Variants in RIMS2 observed in about 807,000 individuals in gnomAD.
The protein encoded by RIMS2 is regulating synaptic membrane exocytosis 2.
RIMS2 carries 59 observed loss-of-function variants against 174.4 expected under a neutral mutation model. The ratio of observed to expected loss-of-function variants is 0.34; its 90% CI spans 0.27 to 0.42. The LOEUF is 0.42. Among genes scored for constraint, RIMS2 ranks in the 10% least tolerant of loss-of-function variants. RIMS2 has a pLI of 1.00. For synonymous variants in RIMS2, 606 were observed against 572.5 expected (o/e 1.06, Z -0.84); for missense variants, 1,620 against 1,666.3 (o/e 0.97, Z 0.48).
intron 13 of RIMS2, among the ~76,000 whole-genome samples, chr8:103,941,542 C>T (rs1231773844): frequency 6.6e-6 from 1 of 152,050 alleles, no homozygotes; most frequent in Non-Finnish European, 1.5e-5. Context: ...TCTTTACCTC[C>T]CTTAGATAAA....
At chr8:103,703,405 T>G (rs923670768) in intron 2 of RIMS2, among the ~76,000 whole-genome samples, 1 of 152,138 alleles carries the variant, frequency 6.6e-6, no homozygotes, top group African/African-American at 2.4e-5. Context: ...ACCCAGCTAA[T>G]TTTTGTATTC....
exon 9 of RIMS2, chr8:103,918,446 T>G: frequency 1.9e-6 from 3 of 1,574,768 alleles, no homozygotes; most frequent in Non-Finnish European, 2.6e-6. Context: ...TTCAGAGATA[T>G]ACCGCGAATA....
intron 3 of RIMS2, among the ~76,000 whole-genome samples, chr8:103,782,525 A>G (rs1485018822): frequency 1.3e-5 from 2 of 152,056 alleles, no homozygotes; most frequent in Middle Eastern, 3.2e-3. Flanking sequence ...CTAGAAGTAC[A>G]ATCACTTGGT....
intron 3 of RIMS2, among the ~76,000 whole-genome samples, chr8:103,861,057 T>C (rs1160620325): frequency 6.6e-6 from 1 of 152,116 alleles, no homozygotes; most frequent in Non-Finnish European, 1.5e-5. Flanking sequence ...ATGGTGAGGT[T>C]TGGACTTCTT....
chr8:104,012,368 T>A (rs2095791330), intron 17 of RIMS2, among the ~76,000 whole-genome samples: 3 of 148,262 alleles, frequency 2.0e-5, no homozygotes, highest in African/African-American at 4.9e-5. Context: ...TTTTTTTTTT[T>A]AAATTACTTG....
chr8:103,546,789 G>A (rs1036388002), intron 1 of RIMS2, among the ~76,000 whole-genome samples: 1 of 152,126 alleles, frequency 6.6e-6, no homozygotes. Context: ...TTCTCCCTGA[G>A]TCCCTGACTC....
At chr8:104,020,706 A>G (rs993335570) in intron 19 of RIMS2, among the ~76,000 whole-genome samples, 5 of 152,070 alleles carry the variant, frequency 3.3e-5, no homozygotes, top group Non-Finnish European at 7.4e-5. Flanking sequence ...GAATTATTTT[A>G]AAAACATTTT....
At chr8:103,927,465 A>T (rs2078992916) in intron 10 of RIMS2, among the ~76,000 whole-genome samples, 1 of 151,326 alleles carries the variant, frequency 6.6e-6, no homozygotes, top group Non-Finnish European at 1.5e-5. Flanking sequence ...GCACTATTCT[A>T]TTTTTTATGT....
chr8:103,552,348 A>C (rs1848382004), intron 1 of RIMS2, among the ~76,000 whole-genome samples: 2 of 152,210 alleles, frequency 1.3e-5, no homozygotes, highest in Non-Finnish European at 2.9e-5. Flanking sequence ...AGAAATGGGG[A>C]AAGGATGCCC....
chr8:103,619,787 C>T (rs542313012), intron 1 of RIMS2, among the ~76,000 whole-genome samples: 1 of 151,662 alleles, frequency 6.6e-6, no homozygotes, highest in South Asian at 2.1e-4. Context: ...ACACAGGATT[C>T]TCCCTTTAAT....
intron 6 of RIMS2, among the ~76,000 whole-genome samples, chr8:103,915,159 A>G (rs1364944884): frequency 1.3e-5 from 2 of 152,110 alleles, no homozygotes; most frequent in Non-Finnish European, 2.9e-5. Flanking sequence ...AAATGTTTAT[A>G]TAATTAATGA....
chr8:103,866,566 A>G, intron 3 of RIMS2, among the ~76,000 whole-genome samples: 1 of 152,064 alleles, frequency 6.6e-6, no homozygotes, highest in Admixed American at 6.6e-5. Flanking sequence ...ATTTCTCTTC[A>G]GAGACTCCAA....
intron 2 of RIMS2, among the ~76,000 whole-genome samples, chr8:103,740,778 GA>G (rs1363099070): frequency 2.0e-5 from 3 of 152,010 alleles, no homozygotes; most frequent in Non-Finnish European, 2.9e-5. Context: ...GTATCCAGTG[GA>G]ATATAAATAG....
chr8:104,226,367 C>G (rs532899252), intron 19 of RIMS2, among the ~76,000 whole-genome samples: 75 of 152,298 alleles, frequency 4.9e-4, no homozygotes, highest in African/African-American at 1.7e-3. Flanking sequence ...TCCATATTCA[C>G]ATTCTCTTCT....
intron 2 of RIMS2, among the ~76,000 whole-genome samples, chr8:103,762,512 A>C (rs2098123131): frequency 6.6e-6 from 1 of 152,234 alleles, no homozygotes; most frequent in South Asian, 2.1e-4. Flanking sequence ...TTTATCTCTA[A>C]TAGCTATTAA....
intron 2 of RIMS2, among the ~76,000 whole-genome samples, chr8:103,707,312 G>C (rs2097244679): frequency 6.6e-6 from 1 of 152,182 alleles, no homozygotes; most frequent in African/African-American, 2.4e-5. Flanking sequence ...ATATGTTCCT[G>C]AATGTTCTTG....
At chr8:103,591,379 A>T (rs1034379905) in intron 1 of RIMS2, among the ~76,000 whole-genome samples, 1 of 151,060 alleles carries the variant, frequency 6.6e-6, no homozygotes, top group Non-Finnish European at 1.5e-5. Flanking sequence ...CATTTTCTTC[A>T]TAATATCTTT....
chr8:103,605,176 C>G (rs1332988158), intron 1 of RIMS2, among the ~76,000 whole-genome samples: 1 of 61,026 alleles, frequency 1.6e-5, no homozygotes, highest in Non-Finnish European at 2.9e-5. Context: ...TACATCCCAT[C>G]AATACCTAAT....
chr8:103,830,309 A>C lies in RIMS2; in HGVS notation c.699-54989A>C, dbSNP rs1042501450. Among the ~76,000 whole-genome samples the C allele has an allele frequency of 9.2e-5, 14 of 152,272 alleles. No individual in the cohort carries two copies. In the South Asian group the frequency reaches 2.5e-3, roughly 27 times the overall value. On this transcript the variant is annotated intron_variant, in intron 3 of 23. Coordinates refer to ENST00000504942, the Ensembl canonical transcript of RIMS2. Reference sequence around the variant, plus strand: ...TCTTTTTAAAGCTTTGGAAGGTGGAACTGTATGATTTCTTCTGATTCATTG... The same window carrying C: ...TCTTTTTAAAGCTTTGGAAGGTGGACCTGTATGATTTCTTCTGATTCATTG...
Sources: allele counts gnomAD v4.1 joint callset (sites outside exome capture counted in the v4.1 genomes callset), GRCh38; gene constraint gnomAD v4.1.1; transcripts MANE v1.5; gene names NCBI Gene and HGNC (gene_info 2026-07-23, HGNC 2026-07-21).